Variants in PKP1 observed in about 807,000 individuals in gnomAD.
The protein encoded by PKP1 is plakophilin 1, also known as plakophilin-1.
A neutral mutation model predicts 76.4 loss-of-function variants in PKP1; 27 were observed. The ratio of observed to expected loss-of-function variants is 0.35; its 90% CI spans 0.26 to 0.49. PKP1 has a LOEUF of 0.49. Among genes scored for constraint, PKP1 ranks in the 20% least tolerant of loss-of-function variants. PKP1 has a pLI of 0.99. For missense variants in PKP1, 964 were observed against 955.2 expected (o/e 1.01, Z -0.12); for synonymous variants, 404 against 384.2 (o/e 1.05, Z -0.60).
intron 6 of PKP1, among the ~76,000 whole-genome samples, chr1:201,319,374 T>G (rs528732044): frequency 7.3e-4 from 111 of 152,318 alleles, no homozygotes; most frequent in Admixed American, 1.7e-3. Context: ...GGTACAGGGC[T>G]TGGAACCCTG....
chr1:201,293,133 G>A (rs1655969297), intron 1 of PKP1, among the ~76,000 whole-genome samples: 1 of 152,180 alleles, frequency 6.6e-6, no homozygotes, highest in African/African-American at 2.4e-5. Flanking sequence ...ATATTTCAAG[G>A]ACAGCAGGAC....
intron 1 of PKP1, among the ~76,000 whole-genome samples, chr1:201,285,954 C>G (rs1655721279): frequency 6.6e-6 from 1 of 152,262 alleles, no homozygotes; most frequent in Non-Finnish European, 1.5e-5. Context: ...TACCCTCAGA[C>G]TCTGCGGAGG....
rs1558190203 is a variant in PKP1, at chr1:201,313,269, C to CCACCGG, written c.412_417dup (p.Thr138_Gly139dup). ...CACTACCCCCGGGGCAGCTGTAACACCACCGGCGCAGGCAGCGACATCTGC... is the reference window on the plus strand; with the variant it reads ...CACTACCCCCGGGGCAGCTGTAACACCACCGGCACCGGCGCAGGCAGCGACATCTGC... On this transcript the variant is annotated inframe_insertion, in exon 3 of 14. Coordinates refer to ENST00000367324, the MANE Select transcript of PKP1 (RefSeq NM_001005337.3). The CCACCGG allele has an allele frequency of 1.9e-6, 3 of 1,604,748 alleles. No homozygotes were observed. The highest frequency in any genetic ancestry group is 2.6e-6 in the Non-Finnish European group (3 of 1,176,134).
Position 201,325,764 on chromosome 1 carries a change from A to C in PKP1, c.2032A>C (p.Lys678Gln). The change falls in exon 12 of 14, where the codon AAG (lysine) becomes CAG (glutamine). Residue 678 changes from lysine to glutamine, a missense_variant. Coordinates refer to ENST00000367324, the MANE Select transcript of PKP1 (RefSeq NM_001005337.3). ...TTCTCACCTGCCCAGTGCCTCACCC[A>C]AGGCCGCAGAAGCTGCCCGGCTTCT... is the stretch of plus-strand genomic sequence containing the variant. ...INLCRSSASP[K>Q]AAEAARLLLS... 1 of 1,613,878 alleles carries C rather than the reference A, an allele frequency of 6.2e-7. No individual in the cohort carries two copies. Among genetic ancestry groups the C allele is most frequent in the Non-Finnish European group, 8.5e-7 (1 of 1,179,808 alleles).
At chr1:201,328,934 G>A in intron 13 of PKP1, 66 bp downstream of exon 13, 2 of 995,766 alleles carry the variant, frequency 2.0e-6, no homozygotes, top group Non-Finnish European at 3.2e-6. Flanking sequence ...CAGTCTCAGA[G>A]ACAAGGGCTA....
chr1:201,312,069 G>A (rs1656573479), intron 2 of PKP1, among the ~76,000 whole-genome samples: 3 of 152,176 alleles, frequency 2.0e-5, no homozygotes. Flanking sequence ...TTGCCAGCCT[G>A]ACAACAAAGC....
chr1:201,321,436 G>A (rs1279173948), intron 7 of PKP1, among the ~76,000 whole-genome samples: 1 of 152,146 alleles, frequency 6.6e-6, no homozygotes, highest in Non-Finnish European at 1.5e-5. Flanking sequence ...TGGGCTCCAG[G>A]TGTTGCTGTG....
In PKP1 at chr1:201,283,759, C is replaced by A; in HGVS notation, c.57C>A (p.Asp19Glu). 6.2e-7 allele frequency: 1 copy of A among 1,614,186 alleles called. No homozygotes were observed. Among genetic ancestry groups the A allele is most frequent in the South Asian group, 1.1e-5 (1 of 91,088 alleles). ...ALAYECFQDQDNSTLALPSDQ... is the reference protein window; with the variant it reads ...ALAYECFQDQENSTLALPSDQ... ...CGTACGAATGCTTCCAGGACCAGGA[C>A]AACTCCACGTTGGCTTTGCCGTCGG... Residue 19 changes from aspartate (D) to glutamate (E), a missense_variant, in exon 1 of 14, where the codon GAC (aspartate) becomes GAA (glutamate). Physicochemically the swap from Asp to Glu is conservative, Grantham distance 45. Coordinates refer to ENST00000367324, the MANE Select transcript of PKP1 (RefSeq NM_001005337.3).
Position 201,304,919 on chromosome 1 carries a change from C to G in PKP1, c.307-8247C>G, listed in dbSNP as rs553091850. Among the ~76,000 whole-genome samples, 4 of 152,348 alleles carry G rather than the reference C, an allele frequency of 2.6e-5. No homozygotes were observed. In the South Asian group the frequency reaches 8.3e-4, roughly 32 times the overall value. ...CAGAACAAAGCTGCTGCTCTCTGCC[C>G]TGCCACCTCATTGGCCAGCTGGGAG... is the stretch of plus-strand genomic sequence containing the variant. On this transcript the variant is annotated intron_variant, in intron 2 of 13. Transcript: ENST00000367324.
intron 2 of PKP1, among the ~76,000 whole-genome samples, chr1:201,308,239 C>T (rs2268161): frequency 0.028 from 4,233 of 152,324 alleles, 81 homozygotes; most frequent in Admixed American, 0.043. Context: ...CCCTACCTAC[C>T]GCCAGCCCAC....
chr1:201,321,636 GT>G (rs1656943505), intron 7 of PKP1, among the ~76,000 whole-genome samples: 4 of 152,038 alleles, frequency 2.6e-5, no homozygotes, highest in Non-Finnish European at 5.9e-5. Context: ...GTCCATAGCA[GT>G]CCTACCACAC....
Position 201,320,364 on chromosome 1 carries a change from A to C in PKP1, c.1330A>C (p.Ser444Arg), listed in dbSNP as rs749907021. Residue 444 changes from serine (S) to arginine (R), a missense_variant, in exon 7 of 14, where the codon AGC (serine) becomes CGC (arginine). Ser to Arg is a moderately radical substitution (Grantham distance 110). Transcript: ENST00000367324. ...MAYVQNCVAA[S>R]RCDDKSVENC... ...CTATGTCCAGAACTGTGTAGCGGCC[A>C]GCCGCTGTGACGACAAGGTGAGTGC... 6.2e-7 allele frequency: 1 copy of C among 1,611,732 alleles called. No homozygotes were observed. Among genetic ancestry groups the C allele is most frequent in the Non-Finnish European group, 8.5e-7 (1 of 1,177,784 alleles).
intron 7 of PKP1, among the ~76,000 whole-genome samples, chr1:201,321,080 G>C (rs1308143904): frequency 6.6e-6 from 1 of 152,140 alleles, no homozygotes; most frequent in Non-Finnish European, 1.5e-5. Context: ...GCTCCAGATC[G>C]CCAGGGAACG....
Position 201,323,190 on chromosome 1 carries a change from G to A in PKP1, c.1680+1G>A. On this transcript the variant is annotated splice_donor_variant, in intron 9 of 13. Transcript: ENST00000367324. LOFTEE classifies it high-confidence loss of function. Reference sequence around the variant, plus strand: ...GAACCTGACAGCCAGCAAGGGGCTGGTGAGTGGGACTGTACCTTCTCTACT... The same window carrying A: ...GAACCTGACAGCCAGCAAGGGGCTGATGAGTGGGACTGTACCTTCTCTACT... 1.2e-6 allele frequency: 2 copies of A among 1,613,590 alleles called. No homozygotes were observed. The highest frequency in any genetic ancestry group is 1.7e-6 in the Non-Finnish European group (2 of 1,179,772).
chr1:201,297,108 T>C (rs1656100942), intron 2 of PKP1, among the ~76,000 whole-genome samples: 1 of 152,216 alleles, frequency 6.6e-6, no homozygotes, highest in African/African-American at 2.4e-5. Context: ...CATCATACTA[T>C]TTATAATCTA....
chr1:201,313,580 G>C lies in PKP1; in HGVS notation c.701+20G>C. ...CTCCAAGTGAGTGCTGCTGGGCTGG[G>C]TTGGGGAGCCAGGAGGGCCAGTGGG... On this transcript the variant is annotated intron_variant, in intron 3 of 13. Coordinates refer to ENST00000367324, the MANE Select transcript of PKP1 (RefSeq NM_001005337.3). 1 of 1,605,434 alleles carries C rather than the reference G, an allele frequency of 6.2e-7. No homozygotes were observed. The highest frequency in any genetic ancestry group is 8.5e-7 in the Non-Finnish European group (1 of 1,174,460).
chr1:201,294,015 C>T lies in PKP1; in HGVS notation c.276C>T (p.Phe92=). ...TTSRSSYYSK[F]QAGNGSWGYP... is the part of the protein sequence containing the mutation. The stretch of plus-strand genomic sequence containing the variant: ...GCAGGAGCAGCTACTACTCCAAGTT[C>T]CAGGCAGGGAATGGCTCATGGGGAT... Residue 92 remains phenylalanine (F), a synonymous_variant, in exon 2 of 14, where the codon TTC becomes TTT. Transcript: ENST00000367324. The T allele has an allele frequency of 6.2e-7, 1 of 1,613,378 alleles. No homozygotes were observed. Among genetic ancestry groups the T allele is most frequent in the East Asian group, 2.2e-5 (1 of 44,870 alleles).
chr1:201,304,904 C>G (rs902768846), intron 2 of PKP1, among the ~76,000 whole-genome samples: 18 of 152,244 alleles, frequency 1.2e-4, no homozygotes, highest in African/African-American at 4.3e-4. Context: ...CAGAACAAAG[C>G]TGCTGCTCTC....
intron 3 of PKP1, chr1:201,316,149 C>CGGACGGACGGAT (rs1558191684): frequency 0.023 from 2,912 of 124,054 alleles, 107 homozygotes; most frequent in African/African-American, 0.11. Context: ...GATGGACGGA[C>CGGACGGACGGAT]GGATGGATGG....
Sources: gnomAD v4.1 joint callset for allele counts (sites outside exome capture counted in the v4.1 genomes callset) on GRCh38, gnomAD v4.1.1 for gene constraint, MANE v1.5 for transcripts, NCBI Gene and HGNC (gene_info 2026-07-23, HGNC 2026-07-21) for gene names.